Variants in CDC20B observed in about 807,000 individuals in gnomAD.
CDC20B encodes the protein cell division cycle 20B.
In CDC20B, 58 loss-of-function variants were observed where a neutral mutation model predicts 64.1. The observed-to-expected ratio is 0.90, with a 90% CI of 0.73 to 1.13. The LOEUF (loss-of-function observed/expected upper bound fraction) is 1.13. Among genes scored for constraint, CDC20B ranks in the 50% most tolerant of loss-of-function variants. The pLI, the probability that CDC20B is intolerant of heterozygous loss-of-function variation, is 0.00. For missense variants in CDC20B, 597 were observed against 633.0 expected, an observed-to-expected ratio of 0.94 and a Z score of 0.61; for synonymous variants, 243 against 230.6, an observed-to-expected ratio of 1.05 and a Z score of -0.49.
At position 55,125,011 on chromosome 5, in the gene CDC20B, C is replaced by G. The variant is rs752426834; in HGVS notation, c.1007G>C (p.Arg336Pro). 1 of 1,613,526 alleles carries G rather than the reference C, an allele frequency of 6.2e-7. No homozygotes were observed. Among genetic ancestry groups the G allele is most frequent in the African/African-American group, 1.3e-5 (1 of 74,922 alleles). ...TACCCGAACATCGTGATGATAAACA[C>G]GCCCCAGTCTTGACCCACTGCGAGT... ...FILSSGSRLG[R>P]VYHHDVRVAQ... The change falls in exon 9 of 12, where the codon CGT becomes CCT. Residue 336 changes from arginine to proline, a missense_variant. By Grantham distance (103) the Arg-to-Pro change is moderately radical (BLOSUM62 -2). This residue lies in a region of CDC20B where 353 missense variants were observed against 397.0 expected (regional missense o/e 0.89). Coordinates refer to ENST00000381375, the MANE Select transcript of CDC20B (RefSeq NM_001170402.1).
intron 2 of CDC20B, among the ~76,000 whole-genome samples, chr5:55,150,093 T>C (rs1474373238): frequency 1.3e-5 from 2 of 151,910 alleles, no homozygotes; most frequent in Admixed American, 6.6e-5. Context: ...GATCGCACCA[T>C]TGCACTCCAG....
At chr5:55,132,616 T>G (rs1265802916) in intron 6 of CDC20B, among the ~76,000 whole-genome samples, 1 of 152,208 alleles carries the variant, frequency 6.6e-6, no homozygotes, top group Non-Finnish European at 1.5e-5. Context: ...AAAATAAGCC[T>G]TTACTCTTTG....
At chr5:55,162,326 C>G (rs1356486696) in intron 2 of CDC20B, among the ~76,000 whole-genome samples, 2 of 152,114 alleles carry the variant, frequency 1.3e-5, no homozygotes, top group African/African-American at 4.8e-5. Flanking sequence ...AACCCAGAGG[C>G]AGAGGTTGCA....
chr5:55,128,436 G>C lies in CDC20B; in HGVS notation c.879C>G (p.Ser293Arg). 1.9e-6 allele frequency: 3 copies of C among 1,600,022 alleles called. No individual in the cohort carries two copies. Among genetic ancestry groups the C allele is most frequent in the Non-Finnish European group, 2.6e-6 (3 of 1,176,278 alleles). ...TGGCCAGTACTTGCACTTCTCCCTC[G>C]CTGGTGCCAACTGCCAGGCAAGTTC... is the stretch of plus-strand genomic sequence containing the variant. ...KEGTCLAVGTSEGEVQLWDVV... is the reference protein window; with the variant it reads ...KEGTCLAVGTREGEVQLWDVV... The change falls in exon 7 of 12, where the codon AGC (serine) becomes AGG (arginine). Residue 293 changes from serine to arginine, a missense_variant. Coordinates refer to ENST00000381375, the MANE Select transcript of CDC20B (RefSeq NM_001170402.1).
At position 55,127,248 on chromosome 5, in the gene CDC20B, G is replaced by A. The variant is rs755912246; in HGVS notation, c.989+9C>T. 3.7e-6 allele frequency: 6 copies of A among 1,609,272 alleles called. No individual in the cohort carries two copies. In the South Asian group the frequency reaches 5.5e-5, roughly 15 times the overall value. ...CAAACATAACTGTCTCCAACAAGAC[G>A]CTTCTTACCTGCTGAGGATAAAGTG... On this transcript the variant is annotated intron_variant, in intron 8 of 11. Coordinates refer to ENST00000381375, the MANE Select transcript of CDC20B (RefSeq NM_001170402.1).
intron 2 of CDC20B, among the ~76,000 whole-genome samples, chr5:55,157,783 T>C (rs1344485593): frequency 2.0e-5 from 3 of 152,238 alleles, no homozygotes; most frequent in Admixed American, 6.5e-5. Flanking sequence ...AGTGATTTTA[T>C]CAAAATAATA....
Position 55,114,346 on chromosome 5 carries a change from A to G in CDC20B, c.1460-28T>C. On this transcript the variant is annotated intron_variant, in intron 11 of 11. Transcript: ENST00000381375. This position sits in a 1 kb window ranked among gnomAD's most constrained non-coding sequence, Gnocchi z 4.1. ...GGGGGAAGAAGGAAAGACAGTTCAT[A>G]CTCCTCCACGTTACATGGGCTGCTG... 1 of 1,610,914 alleles carries G rather than the reference A, an allele frequency of 6.2e-7. No homozygotes were observed. Among genetic ancestry groups the G allele is most frequent in the South Asian group, 1.1e-5 (1 of 90,640 alleles).
chr5:55,153,218 G>A (rs568252221), intron 2 of CDC20B, among the ~76,000 whole-genome samples: 143 of 123,430 alleles, frequency 1.2e-3, no homozygotes, highest in Non-Finnish European at 1.8e-3. Context: ...CAACCTGGGC[G>A]ATATAGCCAG....
In CDC20B at chr5:55,143,508, C is replaced by T; in HGVS notation, c.486+5G>A. On this transcript the variant is annotated splice_donor_5th_base_variant and intron_variant, in intron 4 of 11. Transcript: ENST00000381375. Reference sequence around the variant, plus strand: ...GGGATCTTCAGTTTTTTTCTCTTTACCTACCTGCCCTTTTGAGGCAACACT... The same window carrying T: ...GGGATCTTCAGTTTTTTTCTCTTTATCTACCTGCCCTTTTGAGGCAACACT... 1.9e-6 allele frequency: 3 copies of T among 1,581,438 alleles called. No individual in the cohort carries two copies. The highest frequency in any genetic ancestry group is 1.7e-6 in the Non-Finnish European group (2 of 1,166,564).
chr5:55,116,218 G>T (rs1026353204), intron 11 of CDC20B, among the ~76,000 whole-genome samples: 2 of 152,124 alleles, frequency 1.3e-5, no homozygotes, highest in Non-Finnish European at 2.9e-5. Context: ...TAAATGAAAA[G>T]CAACTTGATT....
intron 2 of CDC20B, among the ~76,000 whole-genome samples, chr5:55,147,977 A>G (rs1743544409): frequency 1.3e-5 from 2 of 152,234 alleles, no homozygotes; most frequent in African/African-American, 4.8e-5. Flanking sequence ...TAGAGCCTGT[A>G]GTAGTGAACC....
rs776273570 is a variant in CDC20B, at chr5:55,119,876, T to C, written c.1384A>G (p.Thr462Ala). ...TCATTCTTGGGAGTACCTTGACCAG[T>C]TGCAATCTCCTTTGTCTTAGGTAGC... ...IWLPKTKEIA[T>A]GQGTPKNDVT... The change falls in exon 11 of 12, where the codon ACT (threonine) becomes GCT (alanine). Residue 462 changes from threonine (T) to alanine (A), a missense_variant. Coordinates refer to ENST00000381375, the MANE Select transcript of CDC20B (RefSeq NM_001170402.1). 7 of 1,613,950 alleles carry C rather than the reference T, an allele frequency of 4.3e-6. No individual in the cohort carries two copies. In the Admixed American group the frequency reaches 8.3e-5, roughly 19 times the overall value.
intron 2 of CDC20B, chr5:55,160,198 G>T (rs1337504903): frequency 6.2e-7 from 1 of 1,613,298 alleles, no homozygotes; most frequent in Non-Finnish European, 8.5e-7. Flanking sequence ...CCAACATGGA[G>T]CCTCTTGCAG....
intron 2 of CDC20B, chr5:55,170,569 T>C (rs757004905): frequency 1.9e-6 from 1 of 534,840 alleles, no homozygotes. Context: ...TGTTAGCCGA[T>C]GCCATTCACA....
rs142147842 is a variant in CDC20B, at chr5:55,120,351, A to C, written c.1341+74T>G. On this transcript the variant is annotated intron_variant, in intron 10 of 11. Coordinates refer to ENST00000381375, the MANE Select transcript of CDC20B (RefSeq NM_001170402.1). ...GAGAAAGAGAGCTTGTTGGGGGCAT[A>C]GGCTCTGTTGTAAACTATTTTCACA... 425 of 1,558,026 alleles carry C rather than the reference A, an allele frequency of 2.7e-4. 9 individuals are homozygous for C. In the East Asian group the frequency reaches 9.4e-3, roughly 34 times the overall value.
intron 2 of CDC20B, among the ~76,000 whole-genome samples, chr5:55,149,102 G>C (rs1164106164): frequency 6.6e-6 from 1 of 152,196 alleles, no homozygotes; most frequent in African/African-American, 2.4e-5. Flanking sequence ...ATCTCTAAGA[G>C]GGACTGCTCT....
chr5:55,169,463 C>G (rs1211029857), intron 2 of CDC20B, among the ~76,000 whole-genome samples: 1 of 152,202 alleles, frequency 6.6e-6, no homozygotes, highest in Admixed American at 6.5e-5. Flanking sequence ...GTCTGGAAGC[C>G]AGCACATATC....
chr5:55,140,226 A>T (rs958674755), intron 5 of CDC20B, 88 bp downstream of exon 5: 13 of 692,722 alleles, frequency 1.9e-5, no homozygotes, highest in Non-Finnish European at 2.8e-5. Context: ...AGTAAATATT[A>T]AAAATAATAT....
Position 55,172,641 on chromosome 5 carries a change from TG to T in CDC20B, c.72del (p.Met25CysfsTer8). 6.2e-7 allele frequency: 1 copy of T among 1,611,794 alleles called. No individual in the cohort carries two copies. Among genetic ancestry groups the T allele is most frequent in the Non-Finnish European group, 8.5e-7 (1 of 1,178,034 alleles). On this transcript the variant is annotated frameshift_variant, in exon 2 of 12. Coordinates refer to ENST00000381375, the MANE Select transcript of CDC20B (RefSeq NM_001170402.1). LOFTEE classifies it high-confidence loss of function. ...TTCAAGTCTTTGGAGAGCACACGCATGATACTTTCCTTTGAAAACACAGATA... is the reference window on the plus strand; with the variant it reads ...TTCAAGTCTTTGGAGAGCACACGCATATACTTTCCTTTGAAAACACAGATA... ...RTEEEMLWESIMRVLSKDLKQ... is the reference protein window; with the variant it reads ...RTEEEMLWESXMRVLSKDLKQ...
Sources: allele counts gnomAD v4.1 joint callset (sites outside exome capture counted in the v4.1 genomes callset), GRCh38; gene constraint gnomAD v4.1.1; regional missense constraint gnomAD v4.1.1; non-coding constraint Gnocchi (gnomAD v3.1); transcripts MANE v1.5; gene names NCBI Gene and HGNC (gene_info 2026-07-23, HGNC 2026-07-21).